The following DNAI3 variants were observed in gnomAD, a reference collection of about 807,000 sequenced individuals.
DNAI3 encodes WD repeat domain 63.
A neutral mutation model predicts 115.5 loss-of-function variants in DNAI3; 83 were observed. That is an observed-to-expected ratio of 0.72 (90% CI 0.60 to 0.86). The LOEUF is 0.86. DNAI3 is among the 40% of genes least tolerant of loss of function. The probability of loss-of-function intolerance (pLI) is 0.00; values close to 1 mark genes in which losing one functional copy is unlikely to be tolerated. For synonymous variants in DNAI3, 320 were observed against 347.0 expected (o/e 0.92, Z 0.86); for missense variants, 1,004 against 1,075.8 (o/e 0.93, Z 0.93).
In DNAI3 at chr1:85,090,181, C is replaced by T. The variant is rs761335791; in HGVS notation, c.806C>T (p.Thr269Ile). 1.3e-6 allele frequency: 2 copies of T among 1,590,586 alleles called. No individual in the cohort carries two copies. Among genetic ancestry groups the T allele is most frequent in the Non-Finnish European group, 1.7e-6 (2 of 1,170,842 alleles). ...PREFSEEEKE[T>I]LKQSKPLVDF... is the part of the protein sequence containing the mutation. Reference sequence around the variant, plus strand: ...GAATTCTCAGAAGAGGAAAAAGAGACACTCAAACAATCAAAGCCTTTGGTT... The same window carrying T: ...GAATTCTCAGAAGAGGAAAAAGAGATACTCAAACAATCAAAGCCTTTGGTT... The change falls in exon 8 of 23, where the codon ACA becomes ATA. Residue 269 changes from threonine (T) to isoleucine (I), a missense_variant. Thr to Ile is a moderately conservative substitution (Grantham distance 89). Around this residue, in one of 3 missense-constraint regions of DNAI3, gnomAD observed 550 missense variants for 568.1 expected, o/e 0.97. Coordinates refer to ENST00000294664, the MANE Select transcript of DNAI3 (RefSeq NM_145172.5).
chr1:85,085,739 A>C (rs1272446650), intron 6 of DNAI3, 92 bp from the exon 7 acceptor site: 5 of 1,054,996 alleles, frequency 4.7e-6, no homozygotes, highest in Non-Finnish European at 7.0e-6. Context: ...GAAAGTGCAC[A>C]AAGGGCTCTG....
chr1:85,116,904 A>G (rs1026691453), intron 16 of DNAI3, among the ~76,000 whole-genome samples: 2 of 152,194 alleles, frequency 1.3e-5, no homozygotes, highest in African/African-American at 4.8e-5. Flanking sequence ...CATGATAATC[A>G]TTTTTAAGTT....
intron 13 of DNAI3, among the ~76,000 whole-genome samples, chr1:85,103,045 C>CCATT (rs1655372377): frequency 6.6e-6 from 1 of 152,136 alleles, no homozygotes; most frequent in South Asian, 2.1e-4. Flanking sequence ...AGATGTCCAT[C>CCATT]AGGTTTGTGA....
intron 14 of DNAI3, among the ~76,000 whole-genome samples, chr1:85,104,818 G>C (rs964817968): frequency 2.1e-5 from 3 of 139,848 alleles, no homozygotes; most frequent in Admixed American, 1.4e-4. Flanking sequence ...GGTTGATAAC[G>C]TTGTATAGCA....
intron 9 of DNAI3, chr1:85,094,039 C>A: frequency 2.4e-6 from 1 of 409,926 alleles, no homozygotes; most frequent in Non-Finnish European, 4.7e-6. Context: ...TTAAAGAGCT[C>A]AGCAGCCAAG....
chr1:85,065,246 T>C (rs1403641947), intron 1 of DNAI3, among the ~76,000 whole-genome samples: 3 of 151,964 alleles, frequency 2.0e-5, no homozygotes, highest in African/African-American at 7.3e-5. Context: ...TGGCTGGGAA[T>C]AAGCCACACA....
intron 8 of DNAI3, among the ~76,000 whole-genome samples, chr1:85,092,611 G>C (rs1655011024): frequency 6.6e-6 from 1 of 152,136 alleles, no homozygotes; most frequent in Non-Finnish European, 1.5e-5. Flanking sequence ...ACAGGAGCCT[G>C]TCAAACCAAG....
intron 1 of DNAI3, among the ~76,000 whole-genome samples, chr1:85,068,551 T>C (rs748083736): frequency 6.6e-6 from 1 of 152,200 alleles, no homozygotes; most frequent in Admixed American, 6.5e-5. Flanking sequence ...GCTGCAGTCT[T>C]TTCTCAACAC....
chr1:85,127,733 C>T (rs758496191), intron 20 of DNAI3, among the ~76,000 whole-genome samples: 5 of 152,104 alleles, frequency 3.3e-5, no homozygotes, highest in African/African-American at 7.2e-5. Flanking sequence ...TTGCTTTGTA[C>T]GCCTACAGGG....
chr1:85,119,170 AT>A (rs1291476297), intron 17 of DNAI3, among the ~76,000 whole-genome samples: 1 of 152,230 alleles, frequency 6.6e-6, no homozygotes, highest in Non-Finnish European at 1.5e-5. Flanking sequence ...CATCTTAGCC[AT>A]TTTTAAATGT....
chr1:85,109,994 A>T (rs1466140367), intron 15 of DNAI3, 54 bp from the exon 16 acceptor site: 2 of 1,531,066 alleles, frequency 1.3e-6, no homozygotes, highest in Middle Eastern at 1.7e-4. Context: ...TAAATTACCC[A>T]AGGATAATTT....
intron 13 of DNAI3, 101 bp downstream of exon 13, chr1:85,098,759 T>C (rs577877850): frequency 1.8e-5 from 27 of 1,524,918 alleles, no homozygotes; most frequent in Non-Finnish European, 2.4e-5. Flanking sequence ...TACACTTAAA[T>C]TGTGAAATAA....
intron 19 of DNAI3, among the ~76,000 whole-genome samples, chr1:85,125,535 A>ATT (rs5775824): frequency 0.016 from 2,407 of 147,398 alleles, 28 homozygotes; most frequent in Non-Finnish European, 0.023. Flanking sequence ...TGTATGTTTG[A>ATT]TTTTTTTTTT....
rs750561501 is a variant in DNAI3, at chr1:85,117,808, T to C, written c.1866T>C (p.Asn622=). 6.2e-7 allele frequency: 1 copy of C among 1,613,912 alleles called. No homozygotes were observed. Among genetic ancestry groups the C allele is most frequent in the Non-Finnish European group, 8.5e-7 (1 of 1,179,828 alleles). ...PYHNLESGMA[N]LLKPIDDFCT... ...ATAATCTGGAAAGTGGGATGGCCAA[T>C]CTTCTCAAGCCAATAGATGACTTCT... Residue 622 remains asparagine (N), a synonymous_variant, in exon 17 of 23, where the codon AAT becomes AAC. Transcript: ENST00000294664.
Position 85,085,943 on chromosome 1 carries a change from A to G in DNAI3, c.653A>G (p.Asp218Gly). The G allele has an allele frequency of 6.2e-7, 1 of 1,614,178 alleles. No homozygotes were observed. The highest frequency in any genetic ancestry group is 8.5e-7 in the Non-Finnish European group (1 of 1,180,018). ...TATATTGAATGTACAGCCTACCCAG[A>G]TAAAAATTTTACCCTTAAACAACTT... is the stretch of plus-strand genomic sequence containing the variant. ...DAYIECTAYPDKNFTLKQLEK... is the reference protein window; with the variant it reads ...DAYIECTAYPGKNFTLKQLEK... The change falls in exon 7 of 23, where the codon GAT (aspartate) becomes GGT (glycine). Residue 218 changes from aspartate (D) to glycine (G), a missense_variant. This residue lies in a region of DNAI3 where 550 missense variants were observed against 568.1 expected (regional missense o/e 0.97). Transcript: ENST00000294664.
intron 1 of DNAI3, 69 bp from the exon 2 acceptor site, chr1:85,071,859 T>C (rs566729435): frequency 7.3e-7 from 1 of 1,370,602 alleles, no homozygotes; most frequent in Admixed American, 2.1e-5. Flanking sequence ...ATGATAATGT[T>C]TAGTATTTGA....
chr1:85,119,987 A>G (rs935989871), intron 17 of DNAI3, among the ~76,000 whole-genome samples: 3 of 152,228 alleles, frequency 2.0e-5, no homozygotes. Flanking sequence ...GGCGTGAGCC[A>G]CTGTGCCCGG....
intron 16 of DNAI3, among the ~76,000 whole-genome samples, chr1:85,116,950 A>G (rs1215426670): frequency 2.6e-5 from 4 of 152,132 alleles, no homozygotes; most frequent in African/African-American, 7.2e-5. Context: ...TTTTAAATGT[A>G]ATATGTCTTT....
chr1:85,121,925 G>T (rs1571199735), intron 18 of DNAI3, 111 bp downstream of exon 18: 1 of 1,130,534 alleles, frequency 8.8e-7, no homozygotes. Flanking sequence ...GGGAGGGAAG[G>T]CTCCTAAGGT....
Sources: allele counts gnomAD v4.1 joint callset (sites outside exome capture counted in the v4.1 genomes callset), GRCh38; gene constraint gnomAD v4.1.1; regional missense constraint gnomAD v4.1.1; transcripts MANE v1.5; gene names NCBI Gene and HGNC (gene_info 2026-07-23, HGNC 2026-07-21).